RBMS1: variants seen among roughly 807,000 people sequenced by gnomAD.
RBMS1 encodes RNA binding motif single stranded interacting protein 1.
A neutral mutation model predicts 62.3 loss-of-function variants in RBMS1; 17 were observed. That is an observed-to-expected ratio of 0.27 (90% CI 0.19 to 0.41). The LOEUF (loss-of-function observed/expected upper bound fraction) is 0.41, where lower values mean the gene tolerates loss of function less well. RBMS1 is among the 10% of genes least tolerant of loss of function. The pLI, the probability that RBMS1 is intolerant of heterozygous loss-of-function variation, is 1.00. For missense variants in RBMS1, 334 were observed against 504.5 expected (o/e 0.66, Z 3.24); for synonymous variants, 172 against 170.0 (o/e 1.01, Z -0.09).
intron 1 of RBMS1, among the ~76,000 whole-genome samples, chr2:160,384,119 C>G (rs1260719471): frequency 6.6e-6 from 1 of 152,196 alleles, no homozygotes; most frequent in Admixed American, 6.5e-5. Context: ...ATGGTGTGAA[C>G]CTGGGAGGCG....
chr2:160,493,565 C>CCTT lies in RBMS1; in HGVS notation c.-203_-202insAAG. 1 of 615,314 alleles carries CCTT rather than the reference C, an allele frequency of 1.6e-6. No individual in the cohort carries two copies. The highest frequency in any genetic ancestry group is 1.9e-5 in the South Asian group (1 of 53,570). 38.1% of individuals were successfully genotyped at this position (615,314 alleles called of 1,614,324 possible). A position where few individuals can be genotyped will look rare whatever the true frequency, so the allele number is the denominator to read the frequency against. On this transcript the variant is annotated 5_prime_UTR_variant, in exon 1 of 14. Coordinates refer to ENST00000348849, the MANE Select transcript of RBMS1 (RefSeq NM_016836.4). ...TCTTCCTCCTCCTCCTCCTCCTCCT[C>CCTT]CTCCTCTTCCTCCTCCTCCTCCTCC...
intron 1 of RBMS1, among the ~76,000 whole-genome samples, chr2:160,393,552 G>C (rs898755107): frequency 1.3e-4 from 20 of 152,120 alleles, no homozygotes; most frequent in Admixed American, 9.8e-4. Context: ...GCCGAGGCGG[G>C]CAGAGCACCG....
intron 1 of RBMS1, among the ~76,000 whole-genome samples, chr2:160,401,283 AC>A (rs770018095): frequency 5.4e-4 from 82 of 152,360 alleles, no homozygotes; most frequent in Non-Finnish European, 7.4e-4. Flanking sequence ...AGTGGAGCCA[AC>A]ATAGATTTCT....
At chr2:160,320,210 G>A (rs2105971698) in intron 2 of RBMS1, among the ~76,000 whole-genome samples, 1 of 152,300 alleles carries the variant, frequency 6.6e-6, no homozygotes, top group South Asian at 2.1e-4. Flanking sequence ...GCTCATGCCT[G>A]TAATACCAGC....
At chr2:160,343,774 A>C (rs1314470900) in intron 2 of RBMS1, among the ~76,000 whole-genome samples, 1 of 152,164 alleles carries the variant, frequency 6.6e-6, no homozygotes, top group Non-Finnish European at 1.5e-5. Context: ...AAAATAAACT[A>C]TCCAGAAGGC....
Position 160,274,402 on chromosome 2 carries a change from C to T in RBMS1, c.*370G>A, listed in dbSNP as rs1356094609. 1 of 150,350 alleles carries T rather than the reference C, an allele frequency of 6.7e-6. No individual in the cohort carries two copies. The highest frequency in any genetic ancestry group is 1.5e-5 in the Non-Finnish European group (1 of 67,622). 9.3% of individuals were successfully genotyped at this position (150,350 alleles called of 1,614,324 possible). On this transcript the variant is annotated 3_prime_UTR_variant, in exon 14 of 14. Transcript: ENST00000348849. ...ACAAAACCACAAAAATCCGGTCATG[C>T]ACTTGGATAAGTCTTCATGGTCTTT...
chr2:160,427,496 T>C (rs571129022), intron 1 of RBMS1, among the ~76,000 whole-genome samples: 1 of 152,308 alleles, frequency 6.6e-6, no homozygotes, highest in African/African-American at 2.4e-5. Flanking sequence ...TATATAAACA[T>C]ATATGTTTAT....
intron 1 of RBMS1, among the ~76,000 whole-genome samples, chr2:160,373,102 G>A (rs2105171096): frequency 6.6e-6 from 1 of 152,254 alleles, no homozygotes; most frequent in South Asian, 2.1e-4. Flanking sequence ...TCTCAAGACT[G>A]TGAAACTGAC....
Position 160,364,416 on chromosome 2 carries a change from A to G in RBMS1, c.251+2800T>C, listed in dbSNP as rs150057937. 2.5e-3 allele frequency among the ~76,000 whole-genome samples: 388 copies of G among 152,300 alleles called. 1 individual carries two copies. Among genetic ancestry groups the G allele is most frequent in the Non-Finnish European group, 4.7e-3 (318 of 68,024 alleles). Reference sequence around the variant, plus strand: ...TTTCTAGGAAATTTATCTCTTTTCAATCCAGATTACCTGACAGCACTGTCA... The same window carrying G: ...TTTCTAGGAAATTTATCTCTTTTCAGTCCAGATTACCTGACAGCACTGTCA... On this transcript the variant is annotated intron_variant, in intron 2 of 13. Coordinates refer to ENST00000348849, the MANE Select transcript of RBMS1 (RefSeq NM_016836.4).
chr2:160,319,838 A>G (rs1297341727), intron 2 of RBMS1, among the ~76,000 whole-genome samples: 1 of 152,220 alleles, frequency 6.6e-6, no homozygotes, highest in Non-Finnish European at 1.5e-5. Flanking sequence ...TCCTTCAGTT[A>G]ATCTTCCTTA....
In RBMS1 at chr2:160,482,063, CATT is replaced by C. The variant is rs142485311; in HGVS notation, c.75+11223_75+11225del. On this transcript the variant is annotated intron_variant, in intron 1 of 13. Coordinates refer to ENST00000348849, the MANE Select transcript of RBMS1 (RefSeq NM_016836.4). ...CTTAAATTGAAATAATCCAAATGCT[CATT>C]AATAATATAATGGATACATAAATTT... Among the ~76,000 whole-genome samples the C allele has an allele frequency of 3.3e-3, 499 of 152,220 alleles. 5 individuals are homozygous for C. The highest frequency in any genetic ancestry group is 0.012 in the African/African-American group (479 of 41,538).
chr2:160,386,330 G>A (rs1243456024), intron 1 of RBMS1, among the ~76,000 whole-genome samples: 1 of 152,176 alleles, frequency 6.6e-6, no homozygotes, highest in Non-Finnish European at 1.5e-5. Flanking sequence ...GAGGTCAAGA[G>A]TTCGAGACCA....
intron 1 of RBMS1, among the ~76,000 whole-genome samples, chr2:160,395,823 A>G (rs1378164064): frequency 5.3e-5 from 8 of 152,192 alleles, no homozygotes; most frequent in Non-Finnish European, 1.0e-4. Flanking sequence ...AGTCTTTCTC[A>G]TCACAAGGAT....
At chr2:160,404,122 A>G (rs1206206712) in intron 1 of RBMS1, among the ~76,000 whole-genome samples, 1 of 152,224 alleles carries the variant, frequency 6.6e-6, no homozygotes, top group Non-Finnish European at 1.5e-5. Flanking sequence ...TAGAACGTAC[A>G]CATTTGTCCA....
At chr2:160,350,179 C>T (rs10181818) in intron 2 of RBMS1, among the ~76,000 whole-genome samples, 151,807 of 152,160 alleles carry the variant, frequency 1, 75,728 homozygotes, top group Non-Finnish European at 1. Flanking sequence ...GCCTGGCAAC[C>T]GTGTCAGTGT....
At chr2:160,349,513 C>G (rs1171306558) in intron 2 of RBMS1, among the ~76,000 whole-genome samples, 3 of 149,706 alleles carry the variant, frequency 2.0e-5, no homozygotes, top group Non-Finnish European at 4.4e-5. Flanking sequence ...ACTGAGTAAT[C>G]CACATTCACT....
In RBMS1 at chr2:160,277,390, A is replaced by G; in HGVS notation, c.1063-7T>C. ...CTGACGTTGCAGGCATGTACTAGAA[A>G]GAAGAATGAGGTCAGAATGGGCAAT... is the stretch of plus-strand genomic sequence containing the variant. On this transcript the variant is annotated splice_region_variant and splice_polypyrimidine_tract_variant and intron_variant, in intron 11 of 13. Coordinates refer to ENST00000348849, the MANE Select transcript of RBMS1 (RefSeq NM_016836.4). 1 of 1,606,968 alleles carries G rather than the reference A, an allele frequency of 6.2e-7. No homozygotes were observed. Among genetic ancestry groups the G allele is most frequent in the Non-Finnish European group, 8.5e-7 (1 of 1,173,618 alleles).
At chr2:160,385,241 G>A (rs56295729) in intron 1 of RBMS1, among the ~76,000 whole-genome samples, 2,376 of 152,192 alleles carry the variant, frequency 0.016, 63 homozygotes, top group African/African-American at 0.054. Context: ...TGATATCCAG[G>A]AGGGCTCCGC....
Position 160,314,102 on chromosome 2 carries a change from T to C in RBMS1, c.311-855A>G, listed in dbSNP as rs1467040982. ...CTACAAAGTAAGTATATGAATGGCA[T>C]CTAACAGTCAAAACTACTAACAAGC... On this transcript the variant is annotated intron_variant, in intron 3 of 13. Coordinates refer to ENST00000348849, the MANE Select transcript of RBMS1 (RefSeq NM_016836.4). Among the ~76,000 whole-genome samples the C allele has an allele frequency of 2.0e-5, 3 of 152,096 alleles. 1 individual carries two copies. The highest frequency in any genetic ancestry group is 4.1e-4 in the South Asian group (2 of 4,834).
Sources: allele counts gnomAD v4.1 joint callset (sites outside exome capture counted in the v4.1 genomes callset), GRCh38; gene constraint gnomAD v4.1.1; transcripts MANE v1.5; gene names NCBI Gene and HGNC (gene_info 2026-07-23, HGNC 2026-07-21).